Variants in NCKAP1 observed in about 807,000 individuals in gnomAD.
NCKAP1 encodes NCK associated protein 1, also known as nck-associated protein 1.
A neutral mutation model predicts 151.2 loss-of-function variants in NCKAP1; 21 were observed. That is an observed-to-expected ratio of 0.14 (90% CI 0.10 to 0.20). The LOEUF is 0.20. NCKAP1 is among the 10% of genes least tolerant of loss of function. The probability of loss-of-function intolerance (pLI) is 1.00; values close to 1 mark genes in which losing one functional copy is unlikely to be tolerated. For missense variants in NCKAP1, 933 were observed against 1,352.1 expected, an observed-to-expected ratio of 0.69 and a Z score of 4.86; for synonymous variants, 484 against 451.8, an observed-to-expected ratio of 1.07 and a Z score of -0.90.
Position 182,964,789 on chromosome 2 carries a change from C to A in NCKAP1, c.1648G>T (p.Glu550Ter). 1 of 1,601,484 alleles carries A rather than the reference C, an allele frequency of 6.2e-7. No individual in the cohort carries two copies. Among genetic ancestry groups the A allele is most frequent in the South Asian group, 1.1e-5 (1 of 88,188 alleles). ...SIFCFYSRAF[E>*]KMFQQCLELP... ...TCCAAACACTGTTGAAACATCTTCT[C>A]AAAAGCACGACTATAAAAACTATAT... is the stretch of plus-strand genomic sequence containing the variant. The change falls in exon 17 of 31, where the codon GAG becomes TAG. Residue 550 changes from glutamate to a stop codon, truncating the protein, a stop_gained. Transcript: ENST00000361354. LOFTEE classifies it high-confidence loss of function.
chr2:183,017,177 A>C (rs1481810911), intron 2 of NCKAP1, among the ~76,000 whole-genome samples: 1 of 152,084 alleles, frequency 6.6e-6, no homozygotes, highest in Non-Finnish European at 1.5e-5. Flanking sequence ...AGCACCAGGG[A>C]CCAGTTTCAT....
intron 17 of NCKAP1, among the ~76,000 whole-genome samples, chr2:182,964,471 G>A (rs1027395526): frequency 1.3e-5 from 2 of 151,944 alleles, no homozygotes; most frequent in Non-Finnish European, 2.9e-5. Context: ...GTGACTTTAT[G>A]GTATGTTCTT....
chr2:182,927,432 AT>A, intron 29 of NCKAP1, among the ~76,000 whole-genome samples: 1 of 152,154 alleles, frequency 6.6e-6, no homozygotes, highest in Middle Eastern at 3.4e-3. Flanking sequence ...TTTAAAAATT[AT>A]TTTTTAAAAA....
At chr2:182,946,269 C>T (rs1405255509) in intron 23 of NCKAP1, among the ~76,000 whole-genome samples, 2 of 151,912 alleles carry the variant, frequency 1.3e-5, no homozygotes, top group Non-Finnish European at 2.9e-5. Flanking sequence ...GCGTGGCGGT[C>T]GGCGCCTGTA....
chr2:182,939,659 T>C (rs1696954655), intron 24 of NCKAP1, among the ~76,000 whole-genome samples: 1 of 152,190 alleles, frequency 6.6e-6, no homozygotes, highest in Non-Finnish European at 1.5e-5. Context: ...GCTTGTTGAC[T>C]GTGAAAAACT....
At chr2:182,943,847 T>C (rs527560388) in intron 23 of NCKAP1, among the ~76,000 whole-genome samples, 5 of 152,170 alleles carry the variant, frequency 3.3e-5, no homozygotes, top group Non-Finnish European at 5.9e-5. Flanking sequence ...TTGGATAACT[T>C]GCCCAAAGTT....
At chr2:182,933,397 T>TG (rs1329465001) in intron 26 of NCKAP1, among the ~76,000 whole-genome samples, 1 of 149,406 alleles carries the variant, frequency 6.7e-6, no homozygotes, top group African/African-American at 2.5e-5. Context: ...ACATTTTTTT[T>TG]TTTTTTTTTT....
intron 2 of NCKAP1, among the ~76,000 whole-genome samples, chr2:183,016,974 A>C (rs550560889): frequency 4.6e-5 from 7 of 152,244 alleles, no homozygotes; most frequent in Non-Finnish European, 1.0e-4. Flanking sequence ...TTTACAAGTC[A>C]AAAGGGATTC....
chr2:182,993,354 T>C (rs1387757395), intron 8 of NCKAP1, among the ~76,000 whole-genome samples: 1 of 152,182 alleles, frequency 6.6e-6, no homozygotes, highest in South Asian at 2.1e-4. Flanking sequence ...AACCCCAGGA[T>C]ATAAAGGGCC....
chr2:182,990,776 C>A (rs575469314), intron 8 of NCKAP1, among the ~76,000 whole-genome samples: 3 of 152,162 alleles, frequency 2.0e-5, no homozygotes, highest in Non-Finnish European at 2.9e-5. Flanking sequence ...ATAAAACTTG[C>A]CATTTATCTT....
chr2:182,955,672 C>A (rs918726145), intron 20 of NCKAP1, among the ~76,000 whole-genome samples: 11 of 152,146 alleles, frequency 7.2e-5, no homozygotes, highest in Admixed American at 7.2e-4. Flanking sequence ...CTGCATGACA[C>A]GCATCTTAAC....
chr2:182,982,839 G>A lies in NCKAP1; in HGVS notation c.1190C>T (p.Ala397Val), dbSNP rs1201372599. ...RHADNMPKKS[A>V]DDFIDKHIAE... Reference sequence around the variant, plus strand: ...AACTTACTTATCTATAAAGTCGTCTGCACTCTTCTTTGGCATGTTATCTGC... The same window carrying A: ...AACTTACTTATCTATAAAGTCGTCTACACTCTTCTTTGGCATGTTATCTGC... The change falls in exon 12 of 31, where the codon GCA becomes GTA. Residue 397 changes from alanine to valine, a missense_variant. Coordinates refer to ENST00000361354, the MANE Select transcript of NCKAP1 (RefSeq NM_013436.5). 6.2e-7 allele frequency: 1 copy of A among 1,607,480 alleles called. No homozygotes were observed. Among genetic ancestry groups the A allele is most frequent in the East Asian group, 2.2e-5 (1 of 44,796 alleles).
intron 2 of NCKAP1, 140 bp downstream of exon 2, chr2:183,023,665 CA>C: frequency 1.6e-5 from 9 of 572,922 alleles, no homozygotes; most frequent in Non-Finnish European, 2.3e-5. Context: ...AATATTGTCT[CA>C]AAAAAACCCT....
At chr2:182,973,398 A>T (rs541303775) in intron 15 of NCKAP1, among the ~76,000 whole-genome samples, 172 of 152,280 alleles carry the variant, frequency 1.1e-3, no homozygotes, top group Non-Finnish European at 1.9e-3. Flanking sequence ...AAGAGCAACT[A>T]AAAATGCTTA....
At chr2:182,959,139 T>C (rs925192718) in intron 18 of NCKAP1, among the ~76,000 whole-genome samples, 2 of 152,196 alleles carry the variant, frequency 1.3e-5, no homozygotes, top group East Asian at 1.9e-4. Flanking sequence ...TATACCTAGA[T>C]AGTAACTAAA....
chr2:182,959,748 CAGG>C (rs1697403290), intron 18 of NCKAP1, among the ~76,000 whole-genome samples: 1 of 152,112 alleles, frequency 6.6e-6, no homozygotes, highest in South Asian at 2.1e-4. Flanking sequence ...GGCAATCAGG[CAGG>C]AGAAGGAAAT....
chr2:183,018,135 T>C (rs1698729208), intron 2 of NCKAP1, among the ~76,000 whole-genome samples: 2 of 151,996 alleles, frequency 1.3e-5, no homozygotes. Context: ...TAATCCCAGC[T>C]ACTCGGGAAG....
chr2:182,957,396 G>GA (rs1190935010), intron 19 of NCKAP1, 61 bp downstream of exon 19: 6 of 1,523,182 alleles, frequency 3.9e-6, no homozygotes, highest in Admixed American at 2.1e-5. Context: ...AATGTCAATA[G>GA]AAAAAAATGA....
intron 13 of NCKAP1, among the ~76,000 whole-genome samples, chr2:182,979,536 AAC>A (rs1384283031): frequency 4.6e-5 from 7 of 152,150 alleles, no homozygotes; most frequent in Admixed American, 3.3e-4. Context: ...GTATAAATAA[AAC>A]ACATTTTTAA....
Sources: gnomAD v4.1 joint callset for allele counts (sites outside exome capture counted in the v4.1 genomes callset) on GRCh38, gnomAD v4.1.1 for gene constraint, MANE v1.5 for transcripts, NCBI Gene and HGNC (gene_info 2026-07-23, HGNC 2026-07-21) for gene names.